TEX36: variants seen among roughly 807,000 people sequenced by gnomAD.
TEX36 encodes the protein testis expressed 36, also known as testis-expressed protein 36.
In TEX36, 12 loss-of-function variants were observed where a neutral mutation model predicts 13.6. The ratio of observed to expected loss-of-function variants is 0.88; its 90% CI spans 0.56 to 1.43. TEX36 has a LOEUF of 1.43. TEX36 is among the 40% of genes most tolerant of loss of function. The pLI, the probability that TEX36 is intolerant of heterozygous loss-of-function variation, is 0.00. For synonymous variants in TEX36, 93 were observed against 83.0 expected, an observed-to-expected ratio of 1.12 and a Z score of -0.65; for missense variants, 224 against 228.3, an observed-to-expected ratio of 0.98 and a Z score of 0.12.
In TEX36 at chr10:125,655,754, CA is replaced by C; in HGVS notation, c.*145del. ...CGTATGTCATCACAAATTCATTTCA[CA>C]AGGATTTGAATGTTTTTTGACCTTA... On this transcript the variant is annotated 3_prime_UTR_variant, in exon 4 of 4. Coordinates refer to ENST00000368821, the MANE Select transcript of TEX36 (RefSeq NM_001128202.3). 7.5e-7 allele frequency: 1 copy of C among 1,333,916 alleles called. No individual in the cohort carries two copies. The highest frequency in any genetic ancestry group is 9.6e-7 in the Non-Finnish European group (1 of 1,044,306). 82.6% of individuals were successfully genotyped at this position (1,333,916 alleles called of 1,614,324 possible). A position where few individuals can be genotyped will look rare whatever the true frequency, so the allele number is the denominator to read the frequency against.
At chr10:125,630,381 T>G (rs549361153) in intron 3 of TEX36, among the ~76,000 whole-genome samples, 7 of 152,142 alleles carry the variant, frequency 4.6e-5, no homozygotes, top group African/African-American at 1.7e-4. Flanking sequence ...AGACTGACTA[T>G]AGGTGGGAGC....
At chr10:125,597,009 A>T (rs915846628) in intron 3 of TEX36, among the ~76,000 whole-genome samples, 1 of 152,238 alleles carries the variant, frequency 6.6e-6, no homozygotes, top group Admixed American at 6.5e-5. Context: ...CCTTTGCAAC[A>T]TTGCTAGAAC....
intron 3 of TEX36, among the ~76,000 whole-genome samples, chr10:125,595,293 C>G (rs111923333): frequency 1.3e-5 from 2 of 151,996 alleles, no homozygotes; most frequent in South Asian, 2.1e-4. Context: ...ATCACCCCCC[C>G]ACCAAAATAA....
chr10:125,583,126 A>G (rs773602049), intron 3 of TEX36, among the ~76,000 whole-genome samples: 1 of 152,232 alleles, frequency 6.6e-6, no homozygotes, highest in Admixed American at 6.5e-5. Context: ...CACTAGCACA[A>G]ATCTGACAAT....
At chr10:125,660,636 A>G (rs1241339830) in intron 3 of TEX36, among the ~76,000 whole-genome samples, 5 of 152,322 alleles carry the variant, frequency 3.3e-5, no homozygotes, top group East Asian at 3.9e-4. Flanking sequence ...ATCCTTCCTT[A>G]TATTATGTAA....
chr10:125,665,116 T>C (rs1049384166), intron 1 of TEX36, among the ~76,000 whole-genome samples: 1 of 152,190 alleles, frequency 6.6e-6, no homozygotes, highest in African/African-American at 2.4e-5. Context: ...GTTGAGTTGT[T>C]TGAGTTCCCT....
chr10:125,632,676 G>A (rs1017884621), intron 3 of TEX36, among the ~76,000 whole-genome samples: 11 of 152,184 alleles, frequency 7.2e-5, no homozygotes, highest in Admixed American at 2.6e-4. Flanking sequence ...CCAGCTGCAC[G>A]AGCTGCTCAG....
intron 3 of TEX36, among the ~76,000 whole-genome samples, chr10:125,625,132 A>T (rs1846472001): frequency 6.6e-6 from 1 of 152,304 alleles, no homozygotes; most frequent in East Asian, 1.9e-4. Context: ...TGGCTCAGCC[A>T]TCACTCAGCT....
chr10:125,603,403 T>A (rs192076141), intron 3 of TEX36, among the ~76,000 whole-genome samples: 160 of 151,404 alleles, frequency 1.1e-3, no homozygotes, highest in African/African-American at 3.7e-3. Context: ...CTCTTAGTGG[T>A]CCCCCATCTG....
intron 1 of TEX36, among the ~76,000 whole-genome samples, chr10:125,674,316 CCT>C (rs1847279482): frequency 6.6e-6 from 1 of 152,144 alleles, no homozygotes; most frequent in African/African-American, 2.4e-5. Context: ...ATTAACAGCT[CCT>C]GTTATGTTTT....
At chr10:125,661,151 C>G (rs1488311715) in intron 2 of TEX36, 50 bp from the exon 3 acceptor site, 1 of 1,430,086 alleles carries the variant, frequency 7.0e-7, no homozygotes, top group South Asian at 1.2e-5. Flanking sequence ...ACCCTGCATG[C>G]TTTCAGAACT....
In TEX36 at chr10:125,677,315, T is replaced by G. The variant is rs76801562; in HGVS notation, c.51+5624A>C. ...TTTTCTAATCTTTTCTTTGTCTCTT[T>G]TCTCTGGAGGATCCTGATAACTTAA... On this transcript the variant is annotated intron_variant, in intron 1 of 3. Coordinates refer to ENST00000368821, the MANE Select transcript of TEX36 (RefSeq NM_001128202.3). Among the ~76,000 whole-genome samples the G allele has an allele frequency of 7.4e-4, 112 of 152,332 alleles. No homozygotes were observed. In the East Asian group the frequency reaches 0.021, roughly 29 times the overall value.
intron 3 of TEX36, among the ~76,000 whole-genome samples, chr10:125,637,793 C>T (rs1846639015): frequency 6.6e-6 from 1 of 152,140 alleles, no homozygotes; most frequent in African/African-American, 2.4e-5. Flanking sequence ...TCTCATGGCA[C>T]AGTCTCCTTG....
At chr10:125,601,941 G>C (rs1466754008) in intron 3 of TEX36, among the ~76,000 whole-genome samples, 1 of 152,162 alleles carries the variant, frequency 6.6e-6, no homozygotes, top group Non-Finnish European at 1.5e-5. Flanking sequence ...TGTCTTCCTT[G>C]TCCCTGCTCT....
intron 3 of TEX36, among the ~76,000 whole-genome samples, chr10:125,579,194 T>C (rs1845857883): frequency 6.6e-6 from 1 of 152,218 alleles, no homozygotes; most frequent in East Asian, 1.9e-4. Flanking sequence ...AAAAACTGCC[T>C]GAGACTGGGT....
intron 3 of TEX36, among the ~76,000 whole-genome samples, chr10:125,602,809 C>T (rs2133543957): frequency 1.3e-5 from 2 of 152,332 alleles, no homozygotes; most frequent in Middle Eastern, 3.4e-3. Flanking sequence ...GAATTCTGTT[C>T]TCTTTTTTAG....
At chr10:125,598,384 T>C (rs1565170610) in intron 3 of TEX36, among the ~76,000 whole-genome samples, 2 of 152,214 alleles carry the variant, frequency 1.3e-5, no homozygotes, top group Non-Finnish European at 2.9e-5. Flanking sequence ...GTCTGGGTGA[T>C]GCTGAGGCTA....
chr10:125,607,268 T>A (rs1480508329), intron 3 of TEX36, among the ~76,000 whole-genome samples: 1 of 152,210 alleles, frequency 6.6e-6, no homozygotes, highest in Non-Finnish European at 1.5e-5. Flanking sequence ...TGCAAGGCAT[T>A]TGTAATTTCC....
chr10:125,667,457 A>G (rs1463159518), intron 1 of TEX36: 4 of 708,938 alleles, frequency 5.6e-6, no homozygotes, highest in South Asian at 2.7e-5. Flanking sequence ...GGTATTTTCC[A>G]TGACGGCAAG....
Sources: gnomAD v4.1 joint callset for allele counts (sites outside exome capture counted in the v4.1 genomes callset) on GRCh38, gnomAD v4.1.1 for gene constraint, MANE v1.5 for transcripts, NCBI Gene and HGNC (gene_info 2026-07-23, HGNC 2026-07-21) for gene names.